The following COL26A1 variants were observed in gnomAD, a reference collection of about 807,000 sequenced individuals.
COL26A1 encodes the protein collagen type XXVI alpha 1 chain, also known as collagen alpha-1(XXVI) chain.
A neutral mutation model predicts 59.3 loss-of-function variants in COL26A1; 41 were observed. The ratio of observed to expected loss-of-function variants is 0.69; its 90% CI spans 0.54 to 0.90. The LOEUF is 0.90. COL26A1 is among the 40% of genes least tolerant of loss of function. The pLI, the probability that COL26A1 is intolerant of heterozygous loss-of-function variation, is 0.00. For missense variants in COL26A1, 612 were observed against 602.3 expected (o/e 1.02, Z -0.17); for synonymous variants, 266 against 256.0 (o/e 1.04, Z -0.37).
chr7:101,464,769 C>A (rs1404345645), intron 3 of COL26A1, among the ~76,000 whole-genome samples: 1 of 151,858 alleles, frequency 6.6e-6, no homozygotes, highest in Non-Finnish European at 1.5e-5. Context: ...GCTCGGTTGC[C>A]CAGATGATCA....
chr7:101,533,517 C>T (rs1398183078), intron 4 of COL26A1, among the ~76,000 whole-genome samples: 1 of 152,172 alleles, frequency 6.6e-6, no homozygotes, highest in African/African-American at 2.4e-5. Context: ...TGGGAAAAGA[C>T]TCCGTGGAGG....
At chr7:101,545,302 C>G in intron 6 of COL26A1, 36 bp from the exon 7 acceptor site, 2 of 1,526,946 alleles carry the variant, frequency 1.3e-6, no homozygotes, top group Non-Finnish European at 1.8e-6. Flanking sequence ...CGCCAGGCTC[C>G]GGCTGCCACA....
At chr7:101,429,006 T>A (rs565308151) in intron 2 of COL26A1, among the ~76,000 whole-genome samples, 6 of 151,180 alleles carry the variant, frequency 4.0e-5, no homozygotes, top group African/African-American at 1.5e-4. Context: ...CTCACTGCAA[T>A]CTCTGCCTCC....
intron 3 of COL26A1, among the ~76,000 whole-genome samples, chr7:101,463,034 G>C (rs1793652197): frequency 6.6e-6 from 1 of 152,222 alleles, no homozygotes; most frequent in South Asian, 2.1e-4. Context: ...GGCCATGATT[G>C]ACAAGCCAGA....
chr7:101,445,979 C>A (rs149731013), intron 2 of COL26A1, among the ~76,000 whole-genome samples: 4 of 130,990 alleles, frequency 3.1e-5, no homozygotes, highest in Admixed American at 1.8e-4. Context: ...ATCTGGGAGG[C>A]GGAGGTTGCA....
At position 101,439,272 on chromosome 7, in the gene COL26A1, A is replaced by G. The variant is rs1792989033; in HGVS notation, c.282-8412A>G. Among the ~76,000 whole-genome samples, 3 of 152,148 alleles carry G rather than the reference A, an allele frequency of 2.0e-5. No individual in the cohort carries two copies. The South Asian group carries it at 6.2e-4, about 32-fold the overall frequency. ...TATGTACCTCCTGGGTGCTGGGCAG[A>G]TGTGGTGGGAGACCTTAGAAAGGCT... is the stretch of plus-strand genomic sequence containing the variant. On this transcript the variant is annotated intron_variant, in intron 2 of 12. Transcript: ENST00000313669.
intron 1 of COL26A1, among the ~76,000 whole-genome samples, chr7:101,385,199 T>C (rs942745820): frequency 7.4e-6 from 1 of 135,948 alleles, no homozygotes; most frequent in Non-Finnish European, 1.5e-5. Context: ...ATCCAATCAA[T>C]TTGACACTAT....
At chr7:101,491,699 G>A (rs949683802) in intron 3 of COL26A1, among the ~76,000 whole-genome samples, 6 of 152,084 alleles carry the variant, frequency 3.9e-5, no homozygotes, top group African/African-American at 9.7e-5. Flanking sequence ...GGAGTGTAGC[G>A]GTGAGGACGA....
rs549043628 is a variant in COL26A1 at position 101,401,432 on chromosome 7, G to T, written c.159-18545G>T. Among the ~76,000 whole-genome samples the T allele has an allele frequency of 5.3e-5, 8 of 151,800 alleles. No individual in the cohort carries two copies. In the South Asian group the frequency reaches 1.3e-3, roughly 24 times the overall value. Reference sequence around the variant, plus strand: ...AAGAGGAGCAGGAGGTGGAGGAGAAGGAGAAGGAAGAGAAAGAGGAGAGAA... The same window carrying T: ...AAGAGGAGCAGGAGGTGGAGGAGAATGAGAAGGAAGAGAAAGAGGAGAGAA... On this transcript the variant is annotated intron_variant, in intron 1 of 12. Transcript: ENST00000313669.
chr7:101,411,482 G>C (rs1584384165), intron 1 of COL26A1, among the ~76,000 whole-genome samples: 1 of 152,130 alleles, frequency 6.6e-6, no homozygotes, highest in East Asian at 1.9e-4. Context: ...TCAGGACACG[G>C]ACTTGCAGGC....
At chr7:101,544,527 GCT>G (rs1795688854) in intron 6 of COL26A1, among the ~76,000 whole-genome samples, 1 of 114,306 alleles carries the variant, frequency 8.7e-6, no homozygotes, top group African/African-American at 4.0e-5. Context: ...ACCTCACCTG[GCT>G]TTTTTTTTTT....
chr7:101,364,080 C>G (rs1790982155), intron 1 of COL26A1, among the ~76,000 whole-genome samples: 1 of 152,152 alleles, frequency 6.6e-6, no homozygotes, highest in Non-Finnish European at 1.5e-5. Context: ...GCGCCGGGAC[C>G]CGCCAGGCGT....
rs1033396432 is a variant in COL26A1 at position 101,544,122 on chromosome 7, T to C, written c.703+26T>C. Reference sequence around the variant, plus strand: ...GTAAGAAAACCCCCCACATATGTGATGTTGTCAACCTGCGGAAGGGGCTGG... The same window carrying C: ...GTAAGAAAACCCCCCACATATGTGACGTTGTCAACCTGCGGAAGGGGCTGG... On this transcript the variant is annotated intron_variant, in intron 6 of 12. Coordinates refer to ENST00000313669, the MANE Select transcript of COL26A1 (RefSeq NM_001278563.3). 4 of 1,548,978 alleles carry C rather than the reference T, an allele frequency of 2.6e-6. No individual in the cohort carries two copies. In the East Asian group the frequency reaches 9.3e-5, roughly 36 times the overall value.
chr7:101,365,761 G>A (rs1301346914), intron 1 of COL26A1, among the ~76,000 whole-genome samples: 1 of 151,986 alleles, frequency 6.6e-6, no homozygotes, highest in Non-Finnish European at 1.5e-5. Context: ...GGATTGAATG[G>A]ATGTTTTGCA....
intron 5 of COL26A1, among the ~76,000 whole-genome samples, chr7:101,543,517 C>A (rs1443220713): frequency 6.6e-6 from 1 of 152,138 alleles, no homozygotes; most frequent in Non-Finnish European, 1.5e-5. Context: ...CCTTACCTCT[C>A]CATCTCCTTG....
chr7:101,510,019 C>T lies in COL26A1; in HGVS notation c.386-23063C>T, dbSNP rs972335839. Among the ~76,000 whole-genome samples, 18 of 122,548 alleles carry T rather than the reference C, an allele frequency of 1.5e-4. No individual in the cohort carries two copies. The South Asian group carries it at 3.6e-3, about 25-fold the overall frequency. The allele number at this position is 122,548 out of a possible 152,430, so 80.4% of individuals were successfully genotyped here. ...CTGGGATTATAGGCATAAGCCATCG[C>T]GCCCAGTCTTTTTTTTTTTTTTAAG... is the stretch of plus-strand genomic sequence containing the variant. On this transcript the variant is annotated intron_variant, in intron 3 of 12. Transcript: ENST00000313669.
chr7:101,505,609 C>A (rs1443244938), intron 3 of COL26A1, among the ~76,000 whole-genome samples: 3 of 152,206 alleles, frequency 2.0e-5, no homozygotes, highest in Non-Finnish European at 4.4e-5. Context: ...AAGCATCCAG[C>A]ATGGGAGAAG....
chr7:101,489,661 C>CT lies in COL26A1; in HGVS notation c.385+41876dup, dbSNP rs1478883116. Among the ~76,000 whole-genome samples the CT allele has an allele frequency of 7.9e-3, 367 of 46,528 alleles. 44 individuals are homozygous for CT. Among genetic ancestry groups the CT allele is most frequent in the African/African-American group, 0.042 (193 of 4,642 alleles). 30.5% of individuals were successfully genotyped at this position (46,528 alleles called of 152,430 possible). A position where few individuals can be genotyped will look rare whatever the true frequency, so the allele number is the denominator to read the frequency against. ...TCTTTCTTTCTTTCTTTCTTTCTTT[C>CT]TTCCTTCCTTCCTTCCTTCCTTTCT... On this transcript the variant is annotated intron_variant, in intron 3 of 12. Coordinates refer to ENST00000313669, the MANE Select transcript of COL26A1 (RefSeq NM_001278563.3).
At chr7:101,373,939 G>A (rs1429158311) in intron 1 of COL26A1, among the ~76,000 whole-genome samples, 2 of 152,148 alleles carry the variant, frequency 1.3e-5, no homozygotes, top group African/African-American at 2.4e-5. Context: ...CTCTTGGCTC[G>A]AACTCGTGTG....
Sources: gnomAD v4.1 joint callset for allele counts (sites outside exome capture counted in the v4.1 genomes callset) on GRCh38, gnomAD v4.1.1 for gene constraint, MANE v1.5 for transcripts, NCBI Gene and HGNC (gene_info 2026-07-23, HGNC 2026-07-21) for gene names.